The following FAT3 variants were observed in gnomAD, a reference collection of about 807,000 sequenced individuals.
The protein encoded by FAT3 is protocadherin Fat 3.
A neutral mutation model predicts 310.2 loss-of-function variants in FAT3; 95 were observed. The ratio of observed to expected loss-of-function variants is 0.31; its 90% confidence interval spans 0.26 to 0.36. FAT3 has a LOEUF of 0.36. Among genes scored for constraint, FAT3 ranks in the 10% least tolerant of loss-of-function variants. The probability of loss-of-function intolerance (pLI) is 1.00; values close to 1 mark genes in which losing one functional copy is unlikely to be tolerated. For synonymous variants in FAT3, 2,314 were observed against 2,192.9 expected, an observed-to-expected ratio of 1.06 and a Z score of -1.54; for missense variants, 5,408 against 5,715.6, an observed-to-expected ratio of 0.95 and a Z score of 1.74.
chr11:92,665,011 C>T (rs1196245026), intron 3 of FAT3, among the ~76,000 whole-genome samples: 3 of 152,216 alleles, frequency 2.0e-5, no homozygotes, highest in Non-Finnish European at 4.4e-5. Flanking sequence ...CAAGGGGCCA[C>T]ATTTGTCTCA....
chr11:92,509,782 A>G (rs539898552), intron 2 of FAT3, among the ~76,000 whole-genome samples: 69 of 152,282 alleles, frequency 4.5e-4, no homozygotes, highest in East Asian at 1.4e-3. Context: ...AGATAAATAT[A>G]CTGCTTTGGG....
chr11:92,866,719 G>A (rs767490728), intron 21 of FAT3, 22 bp from the exon 22 acceptor site: 2 of 1,602,690 alleles, frequency 1.2e-6, no homozygotes, highest in East Asian at 2.2e-5. Context: ...GAAAAGTGCT[G>A]CACTGTTCCT....
At chr11:92,709,805 C>G (rs1278087790) in intron 4 of FAT3, among the ~76,000 whole-genome samples, 1 of 152,208 alleles carries the variant, frequency 6.6e-6, no homozygotes, top group Non-Finnish European at 1.5e-5. Context: ...TTTCTCCCAC[C>G]GCATCCCAGT....
chr11:92,649,874 CATATATATATATATATAT>C (rs10528724), intron 3 of FAT3, among the ~76,000 whole-genome samples: 2,720 of 49,618 alleles, frequency 0.055, 77 homozygotes, highest in Non-Finnish European at 0.069. Flanking sequence ...TTTGTATGTT[CATATATATATATATATAT>C]ATATATATAT....
At chr11:92,361,693 A>T (rs182204342) in intron 2 of FAT3, among the ~76,000 whole-genome samples, 7 of 152,308 alleles carry the variant, frequency 4.6e-5, no homozygotes, top group African/African-American at 1.7e-4. Flanking sequence ...TAGCAACTTA[A>T]ACTGACTATG....
At chr11:92,754,066 C>A (rs899801594) in intron 4 of FAT3, among the ~76,000 whole-genome samples, 18 of 151,842 alleles carry the variant, frequency 1.2e-4, no homozygotes, top group African/African-American at 4.4e-4. Flanking sequence ...ACCAACATCC[C>A]ACAAGTCACC....
chr11:92,413,812 G>A (rs181331294), intron 2 of FAT3, among the ~76,000 whole-genome samples: 33 of 152,270 alleles, frequency 2.2e-4, no homozygotes, highest in African/African-American at 6.3e-4. Context: ...GTTGACAGGC[G>A]GGAGAGGAAA....
chr11:92,551,337 T>C (rs1013402866), intron 3 of FAT3, among the ~76,000 whole-genome samples: 12 of 151,966 alleles, frequency 7.9e-5, no homozygotes, highest in African/African-American at 2.9e-4. Flanking sequence ...ATTTAAAATA[T>C]GGGGCCTCAT....
At chr11:92,461,456 T>G (rs1951637082) in intron 2 of FAT3, among the ~76,000 whole-genome samples, 1 of 152,152 alleles carries the variant, frequency 6.6e-6, no homozygotes, top group Non-Finnish European at 1.5e-5. Context: ...ATAAATACAT[T>G]TTTTACAAAG....
At chr11:92,476,420 T>G (rs1952054331) in intron 2 of FAT3, among the ~76,000 whole-genome samples, 1 of 152,192 alleles carries the variant, frequency 6.6e-6, no homozygotes, top group Non-Finnish European at 1.5e-5. Context: ...GGTTACTATC[T>G]CTTATCTTGG....
At chr11:92,682,192 G>A in intron 3 of FAT3, among the ~76,000 whole-genome samples, 1 of 152,094 alleles carries the variant, frequency 6.6e-6, no homozygotes, top group Non-Finnish European at 1.5e-5. Context: ...TACAAAATGG[G>A]GGTAAGAATA....
rs1468025750 is a variant in FAT3 at position 92,352,792 on chromosome 11, A to G, written c.680A>G (p.Tyr227Cys). The change falls in exon 2 of 28, where the codon TAT (tyrosine) becomes TGT (cysteine). Residue 227 changes from tyrosine to cysteine, a missense_variant. This residue lies in a region of FAT3 where 4,588 missense variants were observed against 4,809.8 expected (regional missense o/e 0.95). Coordinates refer to ENST00000525166, the MANE Select transcript of FAT3 (RefSeq NM_001367949.2). Reference protein sequence around the residue: ...GRLNYDEKNRYDLEILAVDRG... With the variant: ...GRLNYDEKNRCDLEILAVDRG... ...TTAAATTATGATGAAAAGAATAGGT[A>G]TGATCTGGAAATTTTGGCTGTGGAC... is the stretch of plus-strand genomic sequence containing the variant. 1 of 1,613,780 alleles carries G rather than the reference A, an allele frequency of 6.2e-7. No homozygotes were observed. Among genetic ancestry groups the G allele is most frequent in the Non-Finnish European group, 8.5e-7 (1 of 1,179,880 alleles).
At chr11:92,251,625 G>A (rs1865145345) in intron 1 of FAT3, among the ~76,000 whole-genome samples, 1 of 151,952 alleles carries the variant, frequency 6.6e-6, no homozygotes, top group Non-Finnish European at 1.5e-5. Flanking sequence ...TAGAAATATA[G>A]TTTAAAAATC....
At chr11:92,527,817 GTAGA>G (rs1009369579) in intron 3 of FAT3, among the ~76,000 whole-genome samples, 2 of 152,162 alleles carry the variant, frequency 1.3e-5, no homozygotes, top group East Asian at 3.9e-4. Flanking sequence ...TAACCAGTGT[GTAGA>G]TAGATAGATA....
chr11:92,569,829 A>G (rs928363600), intron 3 of FAT3, among the ~76,000 whole-genome samples: 3 of 152,152 alleles, frequency 2.0e-5, no homozygotes, highest in African/African-American at 7.2e-5. Flanking sequence ...GGGAATTGCA[A>G]GCCTCCACCA....
At chr11:92,357,326 T>C (rs1402643041) in intron 2 of FAT3, among the ~76,000 whole-genome samples, 1 of 152,204 alleles carries the variant, frequency 6.6e-6, no homozygotes, top group African/African-American at 2.4e-5. Flanking sequence ...GAGCCTATTT[T>C]CAAACTTAGC....
At chr11:92,702,068 T>G (rs1341940243) in intron 4 of FAT3, among the ~76,000 whole-genome samples, 1 of 152,194 alleles carries the variant, frequency 6.6e-6, no homozygotes, top group Non-Finnish European at 1.5e-5. Flanking sequence ...CTATTGAACC[T>G]CTCTGGATCC....
chr11:92,819,665 G>A (rs376303237), intron 13 of FAT3, among the ~76,000 whole-genome samples: 2 of 152,282 alleles, frequency 1.3e-5, no homozygotes, highest in South Asian at 4.2e-4. Context: ...TTAAGTTGTT[G>A]TATAGTAATG....
intron 12 of FAT3, among the ~76,000 whole-genome samples, chr11:92,808,521 C>G (rs1364347427): frequency 6.6e-6 from 1 of 152,032 alleles, no homozygotes; most frequent in Non-Finnish European, 1.5e-5. Context: ...CTTGAATGTC[C>G]CAATGAAAAT....
Sources: allele counts gnomAD v4.1 joint callset (sites outside exome capture counted in the v4.1 genomes callset), GRCh38; gene constraint gnomAD v4.1.1; regional missense constraint gnomAD v4.1.1; transcripts MANE v1.5; gene names NCBI Gene and HGNC (gene_info 2026-07-23, HGNC 2026-07-21).